The following NFAM1 variants were observed in gnomAD, a reference collection of about 807,000 sequenced individuals.
The protein encoded by NFAM1 is NFAT activation molecule 1.
NFAM1 carries 17 observed loss-of-function variants against 29.0 expected under a neutral mutation model. The observed-to-expected ratio is 0.59, with a 90% CI of 0.40 to 0.88. The LOEUF is 0.88. Ranked by LOEUF, NFAM1 falls within the 40% of genes least tolerant of loss-of-function variation. NFAM1 has a pLI of 0.00. For synonymous variants in NFAM1, 175 were observed against 147.2 expected (o/e 1.19, Z -1.36); for missense variants, 324 against 344.6 (o/e 0.94, Z 0.47).
chr22:42,423,278 G>C (rs1372989421), intron 1 of NFAM1, among the ~76,000 whole-genome samples: 1 of 152,120 alleles, frequency 6.6e-6, no homozygotes, highest in Non-Finnish European at 1.5e-5. Flanking sequence ...AGAAAGGAAA[G>C]ACTGTGGGCT....
chr22:42,395,099 G>A (rs574292458), intron 4 of NFAM1, among the ~76,000 whole-genome samples: 25 of 152,152 alleles, frequency 1.6e-4, no homozygotes, highest in East Asian at 3.9e-4. Context: ...GCTGGAGACC[G>A]GGAGGTGGAG....
intron 3 of NFAM1, among the ~76,000 whole-genome samples, chr22:42,401,979 C>T (rs956967487): frequency 4.6e-5 from 7 of 152,226 alleles, no homozygotes; most frequent in South Asian, 4.1e-4. Context: ...GCATGCACTG[C>T]GTGCCAGGCT....
chr22:42,432,366 CTGCT>C lies in NFAM1; in HGVS notation c.-13_-10del. 9 of 1,560,166 alleles carry C rather than the reference CTGCT, an allele frequency of 5.8e-6. No homozygotes were observed. The highest frequency in any genetic ancestry group is 7.8e-6 in the Non-Finnish European group (9 of 1,155,810). The stretch of plus-strand genomic sequence containing the variant: ...ACAGGCTGGTTCTCCATCTGGGGGC[CTGCT>C]TGTCTGCGGCGACTCTTTAGTTCAC... On this transcript the variant is annotated 5_prime_UTR_variant, in exon 1 of 6. Transcript: ENST00000329021.
At position 42,432,232 on chromosome 22, in the gene NFAM1, A is replaced by G; in HGVS notation, c.121+5T>C. The G allele has an allele frequency of 1.3e-6, 2 of 1,569,006 alleles. No individual in the cohort carries two copies. Among genetic ancestry groups the G allele is most frequent in the Non-Finnish European group, 1.7e-6 (2 of 1,156,480 alleles). On this transcript the variant is annotated splice_donor_5th_base_variant and intron_variant, in intron 1 of 5. Coordinates refer to ENST00000329021, the MANE Select transcript of NFAM1 (RefSeq NM_145912.8). Reference sequence around the variant, plus strand: ...AGTAGAGAGAAGGAGGAAGACAGACACTACCTGCCAGTCGCAGGGTCCCGG... The same window carrying G: ...AGTAGAGAGAAGGAGGAAGACAGACGCTACCTGCCAGTCGCAGGGTCCCGG...
In NFAM1 at chr22:42,382,561, A is replaced by T. The variant is rs911998551; in HGVS notation, c.*2600T>A. On this transcript the variant is annotated 3_prime_UTR_variant, in exon 6 of 6. Transcript: ENST00000329021. ...GCCTGCACCCCAGGAGCTCCCATTC[A>T]TACCCTCTCTGTCCCCTCTCTGTTC... The T allele has an allele frequency of 6.6e-6, 1 of 152,000 alleles. No individual in the cohort carries two copies. Among genetic ancestry groups the T allele is most frequent in the African/African-American group, 2.4e-5 (1 of 41,256 alleles). 9.4% of individuals were successfully genotyped at this position (152,000 alleles called of 1,614,324 possible).
At chr22:42,435,815 CTTTTTTT>C (rs890914167), upstream of NFAM1, among the ~76,000 whole-genome samples, 4 of 94,260 alleles carry the variant, frequency 4.2e-5, no homozygotes, top group Admixed American at 1.9e-4. Flanking sequence ...TTTTCTTCTT[CTTTTTTT>C]TTTTTTTTTT....
chr22:42,390,023 T>A (rs76320477), intron 4 of NFAM1, among the ~76,000 whole-genome samples: 1 of 152,188 alleles, frequency 6.6e-6, no homozygotes, highest in Non-Finnish European at 1.5e-5. Flanking sequence ...TTCCTCACCA[T>A]GCATCAGAGT....
At chr22:42,411,203 T>C (rs1930075834) in intron 2 of NFAM1, among the ~76,000 whole-genome samples, 2 of 151,930 alleles carry the variant, frequency 1.3e-5, no homozygotes, top group Admixed American at 6.6e-5. Context: ...TTTGTGTTTT[T>C]AGTAGAGACG....
At chr22:42,429,670 C>G (rs1253698472) in intron 1 of NFAM1, among the ~76,000 whole-genome samples, 1 of 152,164 alleles carries the variant, frequency 6.6e-6, no homozygotes, top group African/African-American at 2.4e-5. Context: ...CTGGCCTGTA[C>G]TCCTAAGCCA....
At chr22:42,413,518 G>A (rs1930160799) in intron 1 of NFAM1, among the ~76,000 whole-genome samples, 1 of 152,154 alleles carries the variant, frequency 6.6e-6, no homozygotes, top group African/African-American at 2.4e-5. Context: ...GCTCATGCCT[G>A]TAATCCTAGC....
chr22:42,410,064 G>A (rs7287032), intron 2 of NFAM1, among the ~76,000 whole-genome samples: 4,412 of 152,200 alleles, frequency 0.029, 216 homozygotes, highest in African/African-American at 0.1. Context: ...AAAAACACAC[G>A]GAGTGCCAAC....
At chr22:42,405,725 G>A (rs1052208764) in intron 3 of NFAM1, among the ~76,000 whole-genome samples, 7 of 152,208 alleles carry the variant, frequency 4.6e-5, no homozygotes, top group Non-Finnish European at 8.8e-5. Context: ...GGCTGGGCTG[G>A]AGTCAAGGCG....
intron 4 of NFAM1, among the ~76,000 whole-genome samples, chr22:42,391,826 T>C (rs1194527288): frequency 6.6e-6 from 1 of 150,858 alleles, no homozygotes; most frequent in Admixed American, 6.7e-5. Context: ...GCACCTGTAA[T>C]CCCAGCTACT....
At chr22:42,399,603 C>A (rs910535140) in intron 3 of NFAM1, among the ~76,000 whole-genome samples, 1 of 152,064 alleles carries the variant, frequency 6.6e-6, no homozygotes, top group Non-Finnish European at 1.5e-5. Flanking sequence ...GAAGTGGGAG[C>A]GCCAGGGTCA....
chr22:42,422,438 TCTA>T (rs1930476526), intron 1 of NFAM1, among the ~76,000 whole-genome samples: 1 of 151,870 alleles, frequency 6.6e-6, no homozygotes. Context: ...AAACCCCATC[TCTA>T]CTAAAAATAC....
At position 42,380,493 on chromosome 22, in the gene NFAM1, C is replaced by A. The variant is rs920759305; in HGVS notation, c.*4668G>T. The stretch of plus-strand genomic sequence containing the variant: ...CACCTCCAGACACACACAAAACACA[C>A]GCCAACACCAAGTTCAGAGAGTCTG... On this transcript the variant is annotated 3_prime_UTR_variant, in exon 6 of 6. Transcript: ENST00000329021. 1.3e-5 allele frequency: 2 copies of A among 152,480 alleles called. No individual in the cohort carries two copies. The highest frequency in any genetic ancestry group is 4.8e-5 in the African/African-American group (2 of 41,452). The allele number at this position is 152,480 out of a possible 1,614,324, so 9.4% of individuals were successfully genotyped here. A position where few individuals can be genotyped will look rare whatever the true frequency, so the allele number is the denominator to read the frequency against.
rs371076653 is a variant in NFAM1 at position 42,406,385 on chromosome 22, C to A, written c.564+3050G>T. Among the ~76,000 whole-genome samples, 93 of 152,300 alleles carry A rather than the reference C, an allele frequency of 6.1e-4. 2 individuals carry two copies. The highest frequency in any genetic ancestry group is 2.2e-3 in the African/African-American group (92 of 41,558). ...TCAGAATCTAGGTCTGATCTCACCCCCTTCCTTGTATCACATAGAGTAAGG... is the reference window on the plus strand; with the variant it reads ...TCAGAATCTAGGTCTGATCTCACCCACTTCCTTGTATCACATAGAGTAAGG... On this transcript the variant is annotated intron_variant, in intron 3 of 5. Coordinates refer to ENST00000329021, the MANE Select transcript of NFAM1 (RefSeq NM_145912.8).
chr22:42,428,029 C>T (rs369846208), intron 1 of NFAM1, among the ~76,000 whole-genome samples: 2 of 151,826 alleles, frequency 1.3e-5, no homozygotes, highest in African/African-American at 2.4e-5. Context: ...GGTTTTTGTG[C>T]GATAGTTCAC....
chr22:42,422,565 A>G (rs143193958), intron 1 of NFAM1, among the ~76,000 whole-genome samples: 10 of 151,904 alleles, frequency 6.6e-5, no homozygotes, highest in African/African-American at 2.2e-4. Context: ...GCGCCACTAC[A>G]CTCCAGCCTG....
Sources: gnomAD v4.1 joint callset for allele counts (sites outside exome capture counted in the v4.1 genomes callset) on GRCh38, gnomAD v4.1.1 for gene constraint, MANE v1.5 for transcripts, NCBI Gene and HGNC (gene_info 2026-07-23, HGNC 2026-07-21) for gene names.